The following PCDHA5 variants were observed in gnomAD, a reference collection of about 807,000 sequenced individuals.
PCDHA5 encodes the protein protocadherin alpha 5.
A neutral mutation model predicts 61.6 loss-of-function variants in PCDHA5; 43 were observed. The ratio of observed to expected loss-of-function variants is 0.70; its 90% CI spans 0.55 to 0.90. PCDHA5 has a LOEUF of 0.90. Ranked by LOEUF, PCDHA5 falls within the 40% of genes least tolerant of loss-of-function variation. The pLI is 0.00. For missense variants in PCDHA5, 1,298 were observed against 1,222.7 expected, an observed-to-expected ratio of 1.06 and a Z score of -0.92; for synonymous variants, 627 against 543.9, an observed-to-expected ratio of 1.15 and a Z score of -2.13.
chr5:140,990,555 G>C (rs1176257375), intron 3 of PCDHA5, among the ~76,000 whole-genome samples: 1 of 152,130 alleles, frequency 6.6e-6, no homozygotes, highest in African/African-American at 2.4e-5. Context: ...TATTACCCAA[G>C]AACACACACC....
intron 1 of PCDHA5, among the ~76,000 whole-genome samples, chr5:140,922,186 G>A (rs2080700999): frequency 6.6e-6 from 1 of 151,230 alleles, no homozygotes; most frequent in South Asian, 2.1e-4. Context: ...CAAAAAAAAA[G>A]TCTTATCTTT....
intron 1 of PCDHA5, chr5:140,966,228 A>G: frequency 3.6e-6 from 1 of 275,386 alleles, no homozygotes; most frequent in Admixed American, 5.3e-5. Context: ...AATCTCCTTA[A>G]AGACCCGTTA....
At chr5:140,847,610 C>T (rs1047587407) in intron 1 of PCDHA5, 3 of 149,370 alleles carry the variant, frequency 2.0e-5, no homozygotes, top group African/African-American at 7.4e-5. Context: ...ATTGTAATAA[C>T]ATTACACAAA....
chr5:140,829,651 G>A (rs2150172119), intron 1 of PCDHA5: 1 of 1,612,432 alleles, frequency 6.2e-7, no homozygotes, highest in South Asian at 1.1e-5. Flanking sequence ...TGTACGCGCT[G>A]CAGCCGCTGG....
chr5:140,919,649 T>C (rs1252944920), intron 1 of PCDHA5, among the ~76,000 whole-genome samples: 1 of 152,202 alleles, frequency 6.6e-6, no homozygotes, highest in African/African-American at 2.4e-5. Flanking sequence ...TTCTCTAGAG[T>C]TTACCATATA....
At chr5:140,867,584 T>G (rs1386448666) in intron 1 of PCDHA5, 4 of 152,130 alleles carry the variant, frequency 2.6e-5, no homozygotes, top group Non-Finnish European at 5.9e-5. Context: ...CTTGCAGTAT[T>G]TTTAGATTGG....
At position 140,926,291 on chromosome 5, in the gene PCDHA5, G is replaced by A. The variant is rs545188065; in HGVS notation, c.2353-52658G>A. 3.9e-5 allele frequency: 6 copies of A among 152,438 alleles called. No individual in the cohort carries two copies. The South Asian group carries it at 1.0e-3, about 26-fold the overall frequency. 9.4% of individuals were successfully genotyped at this position (152,438 alleles called of 1,614,324 possible). A position where few individuals can be genotyped will look rare whatever the true frequency, so the allele number is the denominator to read the frequency against. ...CCTCCGCTCGGCAGCTCCACGCTGA[G>A]TCCCGCCCTCTCCGCCGGAGAGGTG... On this transcript the variant is annotated intron_variant, in intron 1 of 3. Transcript: ENST00000529859.
intron 1 of PCDHA5, among the ~76,000 whole-genome samples, chr5:140,889,253 G>A (rs1272394693): frequency 6.6e-6 from 1 of 151,724 alleles, no homozygotes; most frequent in Non-Finnish European, 1.5e-5. Flanking sequence ...TCTGTTTCCT[G>A]TAAAAGTTTG....
chr5:140,901,907 A>C (rs1204627106), intron 1 of PCDHA5, among the ~76,000 whole-genome samples: 1 of 150,942 alleles, frequency 6.6e-6, no homozygotes, highest in African/African-American at 2.4e-5. Context: ...CATTGTGGAG[A>C]TCTTTCACTT....
At chr5:140,986,618 C>T (rs782259734) in intron 3 of PCDHA5, among the ~76,000 whole-genome samples, 2 of 152,134 alleles carry the variant, frequency 1.3e-5, no homozygotes, top group African/African-American at 2.4e-5. Flanking sequence ...TCAGGCCTTA[C>T]CTAAGGCAAC....
At chr5:140,961,936 T>C (rs1163967895) in intron 1 of PCDHA5, among the ~76,000 whole-genome samples, 1 of 151,364 alleles carries the variant, frequency 6.6e-6, no homozygotes, top group Non-Finnish European at 1.5e-5. Flanking sequence ...CAGGCTGGAG[T>C]GCAGTGGCAT....
intron 1 of PCDHA5, chr5:140,829,962 T>A (rs2150178663): frequency 1.2e-6 from 2 of 1,613,904 alleles, no homozygotes. Context: ...CCGTTTCGCG[T>A]GGGGCTGTAC....
chr5:140,834,409 C>T (rs2150217049), intron 1 of PCDHA5: 3 of 1,610,410 alleles, frequency 1.9e-6, no homozygotes, highest in African/African-American at 2.7e-5. Context: ...GGATACGACC[C>T]AGGGGGCCGA....
At chr5:140,915,682 G>A (rs1239251164) in intron 1 of PCDHA5, among the ~76,000 whole-genome samples, 1 of 151,322 alleles carries the variant, frequency 6.6e-6, no homozygotes, top group Admixed American at 6.6e-5. Context: ...CTTGAACTAG[G>A]GGTATGGTGA....
chr5:140,849,642 G>T (rs2150443693), intron 1 of PCDHA5: 2 of 1,598,700 alleles, frequency 1.3e-6, no homozygotes, highest in Non-Finnish European at 1.7e-6. Flanking sequence ...AGATGCCAAC[G>T]GGCAGGTTAC....
chr5:140,855,491 A>G (rs251361), intron 1 of PCDHA5, among the ~76,000 whole-genome samples: 72,952 of 149,084 alleles, frequency 0.49, 20,776 homozygotes, highest in South Asian at 0.61. Flanking sequence ...TTAGTGTCTA[A>G]ATAAACCTTA....
chr5:140,969,399 AT>A, intron 1 of PCDHA5: 1 of 1,580,514 alleles, frequency 6.3e-7, no homozygotes, highest in Non-Finnish European at 8.6e-7. Context: ...ATATCCTGTG[AT>A]TTGGCTTTAT....
chr5:140,861,121 A>G (rs556416106), intron 1 of PCDHA5: 3 of 153,482 alleles, frequency 2.0e-5, no homozygotes, highest in African/African-American at 7.2e-5. Flanking sequence ...ACAAACACCC[A>G]TTAAGACCAC....
chr5:140,835,664 G>C, intron 1 of PCDHA5: 7 of 1,613,934 alleles, frequency 4.3e-6, no homozygotes, highest in Non-Finnish European at 5.9e-6. Flanking sequence ...TGGTTACCGC[G>C]CGGGACGGGG....
Sources: gnomAD v4.1 joint callset for allele counts (sites outside exome capture counted in the v4.1 genomes callset) on GRCh38, gnomAD v4.1.1 for gene constraint, MANE v1.5 for transcripts, NCBI Gene and HGNC (gene_info 2026-07-23, HGNC 2026-07-21) for gene names.